Variants in KNCN observed in about 807,000 individuals in gnomAD.
KNCN encodes kinocilin.
KNCN carries 11 observed loss-of-function variants against 10.4 expected under a neutral mutation model. The ratio of observed to expected loss-of-function variants is 1.06; its 90% CI spans 0.67 to 1.75. The LOEUF (loss-of-function observed/expected upper bound fraction) is 1.75, where lower values mean the gene tolerates loss of function less well. Among genes scored for constraint, KNCN ranks in the 40% most tolerant of loss-of-function variants. KNCN has a pLI of 0.00. For synonymous variants in KNCN, 67 were observed against 71.6 expected, an observed-to-expected ratio of 0.94 and a Z score of 0.33; for missense variants, 172 against 167.1, an observed-to-expected ratio of 1.03 and a Z score of -0.16.
chr1:46,549,708 A>T (rs1320977873), intron 2 of KNCN: 2 of 697,216 alleles, frequency 2.9e-6, no homozygotes. Context: ...TGAACTTCCC[A>T]GCTCTGAGCT....
chr1:46,548,189 T>G (rs994669870), intron 3 of KNCN, among the ~76,000 whole-genome samples: 10 of 152,232 alleles, frequency 6.6e-5, no homozygotes, highest in Admixed American at 1.3e-4. Context: ...CTCATGTGGT[T>G]GTTGTGAGAC....
Position 46,549,001 on chromosome 1 carries a change from C to T in KNCN, c.295+192G>A, listed in dbSNP as rs797007409. ...ACTAAAAATACAAAAATTAGCCAGG[C>T]GTGGTGGCACATGTCTGTAATCCCA... On this transcript the variant is annotated intron_variant, in intron 3 of 3. Coordinates refer to ENST00000481882, the MANE Select transcript of KNCN (RefSeq NM_001322255.2). Among the ~76,000 whole-genome samples, 40 of 152,128 alleles carry T rather than the reference C, an allele frequency of 2.6e-4. 1 individual carries two copies. The highest frequency in any genetic ancestry group is 8.0e-4 in the African/African-American group (33 of 41,500).
At chr1:46,548,529 C>G (rs1666993826) in intron 3 of KNCN, among the ~76,000 whole-genome samples, 1 of 152,096 alleles carries the variant, frequency 6.6e-6, no homozygotes, top group Non-Finnish European at 1.5e-5. Context: ...CAGCTTGGGT[C>G]CCTTTGAGTT....
intron 1 of KNCN, among the ~76,000 whole-genome samples, chr1:46,550,425 G>T (rs944865173): frequency 6.6e-6 from 1 of 152,050 alleles, no homozygotes; most frequent in East Asian, 1.9e-4. Flanking sequence ...TGCCTTGCCC[G>T]CCCCCGCTCC....
intron 3 of KNCN, among the ~76,000 whole-genome samples, chr1:46,548,588 G>C (rs566701122): frequency 6.6e-6 from 1 of 152,266 alleles, no homozygotes; most frequent in African/African-American, 2.4e-5. Context: ...AATAAACTGA[G>C]GTATAGGACC....
Position 46,546,614 on chromosome 1 carries a change from C to T in KNCN, c.*1116G>A, listed in dbSNP as rs1666947593. 1.3e-5 allele frequency: 2 copies of T among 152,258 alleles called. No homozygotes were observed. Among genetic ancestry groups the T allele is most frequent in the Admixed American group, 6.5e-5 (1 of 15,286 alleles). 9.4% of individuals were successfully genotyped at this position (152,258 alleles called of 1,614,324 possible). Reference sequence around the variant, plus strand: ...GTTTTCTGTGAGGCCACACCTGGGCCTCCTTGCTCTACCCACGGTAGATGG... The same window carrying T: ...GTTTTCTGTGAGGCCACACCTGGGCTTCCTTGCTCTACCCACGGTAGATGG... On this transcript the variant is annotated 3_prime_UTR_variant, in exon 4 of 4. Transcript: ENST00000481882.
rs760487567 is a variant in KNCN, at chr1:46,549,266, C to A, written c.222G>T (p.Gly74=). The A allele has an allele frequency of 1.1e-5, 17 of 1,612,036 alleles. No homozygotes were observed. The highest frequency in any genetic ancestry group is 1.4e-5 in the Non-Finnish European group (16 of 1,178,912). The change falls in exon 3 of 4, where the codon GGG becomes GGT. Residue 74 remains glycine, a splice_region_variant and synonymous_variant. Coordinates refer to ENST00000481882, the MANE Select transcript of KNCN (RefSeq NM_001322255.2). The stretch of plus-strand genomic sequence containing the variant: ...CTGGATGGGGATGGATTCTTAGGCT[C>A]CCTGCAGGATGAGACCACCCCAAGC... The part of the protein sequence containing the change: ...FNLDHILPTI[G]SLRIHPHPGA...
At chr1:46,548,808 C>T (rs1035876478) in intron 3 of KNCN, among the ~76,000 whole-genome samples, 35 of 152,300 alleles carry the variant, frequency 2.3e-4, no homozygotes, top group Middle Eastern at 3.4e-3. Context: ...TCAAGGCTCC[C>T]GGGCCCCATG....
intron 2 of KNCN, chr1:46,549,595 T>C: frequency 1.9e-6 from 1 of 528,294 alleles, no homozygotes; most frequent in Non-Finnish European, 3.4e-6. Context: ...GGCTGTGGGG[T>C]CTTAGGGGAA....
intron 1 of KNCN, among the ~76,000 whole-genome samples, 174 bp from the exon 2 acceptor site, chr1:46,550,176 C>G (rs933967673): frequency 2.0e-5 from 3 of 152,116 alleles, no homozygotes; most frequent in Admixed American, 2.0e-4. Context: ...GTGTGTGCAT[C>G]TGGGTTGGTG....
At position 46,547,434 on chromosome 1, in the gene KNCN, A is replaced by G. The variant is rs1379517288; in HGVS notation, c.*296T>C. ...AATCAGTAGATTGAACAGGCAACAAAGCTGAGCTGCAGTCCAGAAAGAAAG... is the reference window on the plus strand; with the variant it reads ...AATCAGTAGATTGAACAGGCAACAAGGCTGAGCTGCAGTCCAGAAAGAAAG... On this transcript the variant is annotated 3_prime_UTR_variant, in exon 4 of 4. Transcript: ENST00000481882. 2.8e-5 allele frequency: 18 copies of G among 636,348 alleles called. No homozygotes were observed. The highest frequency in any genetic ancestry group is 4.9e-4 in the Middle Eastern group (2 of 4,058). The allele number at this position is 636,348 out of a possible 1,614,324, so 39.4% of individuals were successfully genotyped here.
At chr1:46,550,050 T>C (rs1667033668) in intron 1 of KNCN, 48 bp from the exon 2 acceptor site, 1 of 1,549,132 alleles carries the variant, frequency 6.5e-7, no homozygotes, top group Non-Finnish European at 8.7e-7. Flanking sequence ...GCCTGGTGAG[T>C]GTTGAGGCTG....
At position 46,551,404 on chromosome 1, in the gene KNCN, C is replaced by A. The variant is rs1388770457; in HGVS notation, c.-189G>T. The A allele has an allele frequency of 5.4e-6, 3 of 556,634 alleles. No homozygotes were observed. The highest frequency in any genetic ancestry group is 9.1e-6 in the Non-Finnish European group (3 of 329,320). 34.5% of individuals were successfully genotyped at this position (556,634 alleles called of 1,614,324 possible). A position where few individuals can be genotyped will look rare whatever the true frequency, so the allele number is the denominator to read the frequency against. On this transcript the variant is annotated 5_prime_UTR_variant, in exon 1 of 4. Transcript: ENST00000481882. The surrounding 1 kb of genome is among the most constrained non-coding windows in gnomAD (Gnocchi z 4.0). ...TCCTATTCCACTGCTCCACTACGGG[C>A]CCCCCAGTCCCACCTTGACCAGGGA...
chr1:46,549,622 G>A, intron 2 of KNCN: 1 of 554,230 alleles, frequency 1.8e-6, no homozygotes, highest in South Asian at 2.5e-5. Flanking sequence ...GGTCTTTCAT[G>A]GGGGCTCAGG....
chr1:46,547,850 G>A (rs1012539262), intron 3 of KNCN, 41 bp from the exon 4 acceptor site: 3 of 1,379,190 alleles, frequency 2.2e-6, no homozygotes, highest in Non-Finnish European at 2.9e-6. Context: ...TCCGTAGACA[G>A]GTCCCCATGG....
intron 2 of KNCN, 194 bp downstream of exon 2, chr1:46,549,740 G>C (rs968575831): frequency 3.0e-6 from 3 of 1,013,438 alleles, no homozygotes; most frequent in Non-Finnish European, 4.3e-6. Flanking sequence ...CTTTGCTGCA[G>C]GCTGGATTCT....
Position 46,551,303 on chromosome 1 carries a change from G to A in KNCN, c.-88C>T. ...TTTCTGGGCTCTTGGATGTCTCCTT[G>A]TTGGCGCTCCAACTTCAGGGTAGGA... On this transcript the variant is annotated 5_prime_UTR_variant, in exon 1 of 4. Coordinates refer to ENST00000481882, the MANE Select transcript of KNCN (RefSeq NM_001322255.2). This position sits in a 1 kb window ranked among gnomAD's most constrained non-coding sequence, Gnocchi z 4.0. The A allele has an allele frequency of 3.4e-6, 5 of 1,470,498 alleles. No individual in the cohort carries two copies. Among genetic ancestry groups the A allele is most frequent in the Non-Finnish European group, 4.6e-6 (5 of 1,088,376 alleles). 91.1% of individuals were successfully genotyped at this position (1,470,498 alleles called of 1,614,324 possible).
At chr1:46,549,417 G>T in intron 2 of KNCN, 150 bp from the exon 3 acceptor site, 1 of 591,190 alleles carries the variant, frequency 1.7e-6, no homozygotes, top group Non-Finnish European at 3.0e-6. Context: ...CACATGATCT[G>T]GGCTGATTTG....
At chr1:46,550,132 T>C (rs1667035132) in intron 1 of KNCN, 130 bp from the exon 2 acceptor site, 2 of 1,508,160 alleles carry the variant, frequency 1.3e-6, no homozygotes, top group Non-Finnish European at 1.8e-6. Context: ...GTGTGCAGAC[T>C]TGGGACTGTG....
Sources: gnomAD v4.1 joint callset for allele counts (sites outside exome capture counted in the v4.1 genomes callset) on GRCh38, gnomAD v4.1.1 for gene constraint, Gnocchi (gnomAD v3.1) non-coding constraint, MANE v1.5 for transcripts, NCBI Gene and HGNC (gene_info 2026-07-23, HGNC 2026-07-21) for gene names.